Variants in FAM135B observed in about 807,000 individuals in gnomAD.
FAM135B encodes the protein family with sequence similarity 135 member B, also known as protein FAM135B.
In FAM135B, 43 loss-of-function variants were observed where a neutral mutation model predicts 127.7. That is an observed-to-expected ratio of 0.34 (90% confidence interval 0.26 to 0.43). The LOEUF (loss-of-function observed/expected upper bound fraction) is 0.43. FAM135B is among the 20% of genes least tolerant of loss of function. The probability of loss-of-function intolerance (pLI) is 1.00; values close to 1 mark genes in which losing one functional copy is unlikely to be tolerated. For synonymous variants in FAM135B, 670 were observed against 665.1 expected (o/e 1.01, Z -0.11); for missense variants, 1,558 against 1,725.6 (o/e 0.90, Z 1.72).
rs16908841 is a variant in FAM135B at position 138,332,821 on chromosome 8, G to A, written c.78-21901C>T. ...ACACCCAAACGAAACAGCTGGCGGC[G>A]CTTTCTCAACATCTGTGTGGTGCTT... On this transcript the variant is annotated intron_variant, in intron 2 of 19. Coordinates refer to ENST00000395297, the MANE Select transcript of FAM135B (RefSeq NM_015912.4). Among the ~76,000 whole-genome samples, 1,445 of 152,212 alleles carry A rather than the reference G, an allele frequency of 9.5e-3. 23 individuals carry two copies. Among genetic ancestry groups the A allele is most frequent in the African/African-American group, 0.031 (1,285 of 41,524 alleles).
intron 1 of FAM135B, among the ~76,000 whole-genome samples, chr8:138,414,121 T>C (rs1587392495): frequency 7.0e-6 from 1 of 143,818 alleles, no homozygotes; most frequent in African/African-American, 2.6e-5. Context: ...CACAAATACA[T>C]ATATATATAT....
At chr8:138,375,486 C>G (rs1831412525) in intron 1 of FAM135B, among the ~76,000 whole-genome samples, 1 of 152,054 alleles carries the variant, frequency 6.6e-6, no homozygotes, top group Non-Finnish European at 1.5e-5. Flanking sequence ...TTACAAAACT[C>G]CCTAAACCTC....
At chr8:138,257,385 C>G (rs1318681032) in intron 4 of FAM135B, among the ~76,000 whole-genome samples, 3 of 151,598 alleles carry the variant, frequency 2.0e-5, no homozygotes, top group Non-Finnish European at 4.4e-5. Flanking sequence ...CTACTCATGG[C>G]TGCTTTTGTC....
At chr8:138,490,808 T>A (rs1488236637) in intron 1 of FAM135B, among the ~76,000 whole-genome samples, 1 of 152,074 alleles carries the variant, frequency 6.6e-6, no homozygotes, top group Non-Finnish European at 1.5e-5. Context: ...CACTTCAACG[T>A]CTGCTAAATA....
chr8:138,386,718 A>T (rs1194276392), intron 1 of FAM135B, among the ~76,000 whole-genome samples: 1 of 152,216 alleles, frequency 6.6e-6, no homozygotes, highest in Non-Finnish European at 1.5e-5. Flanking sequence ...ATCTTCCTTT[A>T]TCAATATCTC....
At chr8:138,209,235 A>T (rs990845761) in intron 7 of FAM135B, among the ~76,000 whole-genome samples, 5 of 152,196 alleles carry the variant, frequency 3.3e-5, no homozygotes, top group Admixed American at 2.0e-4. Context: ...AATCTGGGTC[A>T]CAAACACATA....
At chr8:138,398,237 T>G (rs1832956234) in intron 1 of FAM135B, among the ~76,000 whole-genome samples, 1 of 152,150 alleles carries the variant, frequency 6.6e-6, no homozygotes, top group South Asian at 2.1e-4. Context: ...CCCAGCAAGG[T>G]GCTTGACCCC....
intron 5 of FAM135B, among the ~76,000 whole-genome samples, chr8:138,252,037 CAGCT>C (rs1300850848): frequency 6.6e-6 from 1 of 152,148 alleles, no homozygotes. Flanking sequence ...GTGAAATAGC[CAGCT>C]AAATTTTTAG....
intron 1 of FAM135B, among the ~76,000 whole-genome samples, chr8:138,456,860 T>A (rs936943246): frequency 6.6e-6 from 1 of 152,050 alleles, no homozygotes; most frequent in Non-Finnish European, 1.5e-5. Flanking sequence ...GAAAGCTGGA[T>A]GGTGGAGACA....
chr8:138,187,409 G>A (rs1049335908), intron 9 of FAM135B, among the ~76,000 whole-genome samples: 4 of 152,150 alleles, frequency 2.6e-5, no homozygotes, highest in Non-Finnish European at 4.4e-5. Context: ...ATGAACATGT[G>A]CCACCTATTC....
intron 1 of FAM135B, chr8:138,440,170 T>A (rs1174156906): frequency 6.6e-6 from 1 of 152,182 alleles, no homozygotes; most frequent in Non-Finnish European, 1.5e-5. Flanking sequence ...TCATCTCAGT[T>A]AAGACTTAAA....
intron 2 of FAM135B, among the ~76,000 whole-genome samples, chr8:138,317,448 C>A (rs1394973491): frequency 6.6e-6 from 1 of 152,100 alleles, no homozygotes; most frequent in African/African-American, 2.4e-5. Context: ...CCTGACTGTC[C>A]ATATCAATAT....
At chr8:138,346,046 A>G (rs547881091) in intron 2 of FAM135B, among the ~76,000 whole-genome samples, 46 of 152,374 alleles carry the variant, frequency 3.0e-4, no homozygotes, top group Non-Finnish European at 5.0e-4. Flanking sequence ...CAACAAACAC[A>G]TGAAAACAAG....
intron 1 of FAM135B, among the ~76,000 whole-genome samples, chr8:138,426,652 T>TAGTC: frequency 6.6e-6 from 1 of 151,864 alleles, no homozygotes; most frequent in East Asian, 1.9e-4. Flanking sequence ...AATTGTGGTA[T>TAGTC]AGTCATACTT....
rs1818114829 is a variant in FAM135B, at chr8:138,151,234, A to C, written c.3241T>G (p.Ser1081Ala). 2 of 1,583,776 alleles carry C rather than the reference A, an allele frequency of 1.3e-6. No homozygotes were observed. Among genetic ancestry groups the C allele is most frequent in the Non-Finnish European group, 1.7e-6 (2 of 1,165,344 alleles). Reference protein sequence around the residue: ...LGSFGVVSTHSSTLDEEVSER... With the variant: ...LGSFGVVSTHASTLDEEVSER... ...CTGACTTCCTCATCCAACGTGCTGG[A>C]ATGGGTAGAAACAACTCCAAAGGAT... Residue 1081 changes from serine to alanine, a missense_variant, in exon 13 of 20, where the codon TCC becomes GCC. Transcript: ENST00000395297.
intron 1 of FAM135B, among the ~76,000 whole-genome samples, chr8:138,441,961 G>A (rs746763480): frequency 1.3e-5 from 2 of 151,988 alleles, no homozygotes; most frequent in South Asian, 4.2e-4. Flanking sequence ...GAAAAAGAGA[G>A]AAGTGTTGGG....
chr8:138,392,093 C>T (rs1362154481), intron 1 of FAM135B, among the ~76,000 whole-genome samples: 1 of 152,186 alleles, frequency 6.6e-6, no homozygotes, highest in Non-Finnish European at 1.5e-5. Flanking sequence ...TATGGAAACA[C>T]CTGGCATGTT....
chr8:138,264,546 A>G (rs1289910964), intron 4 of FAM135B, among the ~76,000 whole-genome samples: 1 of 152,218 alleles, frequency 6.6e-6, no homozygotes. Context: ...AATATGCATG[A>G]TCGATTTATT....
intron 12 of FAM135B, among the ~76,000 whole-genome samples, chr8:138,165,181 C>T (rs570132357): frequency 2.0e-5 from 3 of 150,416 alleles, no homozygotes; most frequent in South Asian, 2.1e-4. Context: ...AGTGCAATGG[C>T]GGGATCTAGG....
Sources: gnomAD v4.1 joint callset for allele counts (sites outside exome capture counted in the v4.1 genomes callset) on GRCh38, gnomAD v4.1.1 for gene constraint, MANE v1.5 for transcripts, NCBI Gene and HGNC (gene_info 2026-07-23, HGNC 2026-07-21) for gene names.